GPR39: variants seen among roughly 807,000 people sequenced by gnomAD.
GPR39 encodes zinc sensing receptor.
Under a neutral mutation model 18.4 loss-of-function variants are expected in GPR39, and 23 were observed. The observed-to-expected ratio is 1.25, with a 90% CI of 0.90 to 1.77. GPR39 has a LOEUF of 1.77. Ranked by LOEUF, GPR39 falls within the 40% of genes most tolerant of loss-of-function variation. The probability of loss-of-function intolerance (pLI) is 0.00; values close to 1 mark genes in which losing one functional copy is unlikely to be tolerated. For missense variants in GPR39, 647 were observed against 602.4 expected, an observed-to-expected ratio of 1.07 and a Z score of -0.78; for synonymous variants, 280 against 257.9, an observed-to-expected ratio of 1.09 and a Z score of -0.82.
At chr2:132,496,595 C>T (rs1681646272) in intron 1 of GPR39, among the ~76,000 whole-genome samples, 1 of 152,220 alleles carries the variant, frequency 6.6e-6, no homozygotes, top group South Asian at 2.1e-4. Flanking sequence ...GCTCCACCAT[C>T]CCTTTTACCA....
intron 1 of GPR39, among the ~76,000 whole-genome samples, chr2:132,492,614 C>CTATATATACCATATATATACACACCA (rs1558814448): frequency 2.3e-4 from 18 of 77,550 alleles, no homozygotes; most frequent in African/African-American, 5.8e-4. Context: ...TACACACCAT[C>CTATATATACCATATATATACACACCA]TATATATACA....
intron 1 of GPR39, among the ~76,000 whole-genome samples, chr2:132,492,167 C>T (rs947175252): frequency 1.4e-5 from 2 of 145,732 alleles, no homozygotes; most frequent in African/African-American, 5.1e-5. Flanking sequence ...AATATATACA[C>T]ACCATATATA....
chr2:132,526,673 G>A (rs1378483005), intron 1 of GPR39, among the ~76,000 whole-genome samples: 1 of 152,160 alleles, frequency 6.6e-6, no homozygotes, highest in Non-Finnish European at 1.5e-5. Context: ...GCATACTCTG[G>A]ACTTTCTCTG....
chr2:132,585,516 A>G (rs1305778356), intron 1 of GPR39, among the ~76,000 whole-genome samples: 2 of 152,078 alleles, frequency 1.3e-5, no homozygotes, highest in Non-Finnish European at 2.9e-5. Flanking sequence ...ACATTTTCCA[A>G]ACTCTCCAAA....
In GPR39 at chr2:132,417,765, G is replaced by A; in HGVS notation, c.723G>A (p.Met241Ile). Residue 241 changes from methionine (M) to isoleucine (I), a missense_variant, in exon 1 of 2, where the codon ATG becomes ATA. Physicochemically the swap from Met to Ile is conservative, Grantham distance 10. Coordinates refer to ENST00000329321, the MANE Select transcript of GPR39 (RefSeq NM_001508.3). ...TGGTCCTGCTCTCCGTAGCCTTCATGTGCTGGAACATGATGCAGGTGCTCA... is the reference window on the plus strand; with the variant it reads ...TGGTCCTGCTCTCCGTAGCCTTCATATGCTGGAACATGATGCAGGTGCTCA... ...YLVVLLSVAF[M>I]CWNMMQVLMK... 6.2e-7 allele frequency: 1 copy of A among 1,614,206 alleles called. No homozygotes were observed. Among genetic ancestry groups the A allele is most frequent in the Non-Finnish European group, 8.5e-7 (1 of 1,180,054 alleles).
intron 1 of GPR39, among the ~76,000 whole-genome samples, chr2:132,528,599 A>G (rs1346448601): frequency 2.0e-5 from 3 of 151,786 alleles, no homozygotes; most frequent in Admixed American, 6.6e-5. Flanking sequence ...ATTTCCATGC[A>G]CTGATTTTCT....
chr2:132,544,481 G>T (rs1374531944), intron 1 of GPR39, among the ~76,000 whole-genome samples: 2 of 152,172 alleles, frequency 1.3e-5, no homozygotes, highest in Admixed American at 1.3e-4. Flanking sequence ...CTTGATGCAG[G>T]ATTTTTCTCA....
intron 1 of GPR39, among the ~76,000 whole-genome samples, chr2:132,549,559 C>T (rs550311049): frequency 2.1e-4 from 32 of 152,204 alleles, no homozygotes; most frequent in African/African-American, 5.3e-4. Context: ...GAGACAGAGG[C>T]GGGTGTATCA....
chr2:132,588,977 A>T (rs1018082957), intron 1 of GPR39, among the ~76,000 whole-genome samples: 1 of 149,244 alleles, frequency 6.7e-6, no homozygotes, highest in African/African-American at 2.5e-5. Context: ...TCTTGCTCTG[A>T]TCTCCCCTTA....
intron 1 of GPR39, among the ~76,000 whole-genome samples, chr2:132,558,044 T>C (rs1479148702): frequency 6.6e-6 from 1 of 152,144 alleles, no homozygotes; most frequent in Non-Finnish European, 1.5e-5. Context: ...GAAAGCCTTT[T>C]AGGGCTTCTT....
chr2:132,580,139 T>G (rs953773301), intron 1 of GPR39, among the ~76,000 whole-genome samples: 3 of 152,236 alleles, frequency 2.0e-5, no homozygotes, highest in African/African-American at 7.2e-5. Flanking sequence ...TGTGTAACTT[T>G]AGGATGGTAT....
At chr2:132,500,255 C>T (rs2104802657) in intron 1 of GPR39, among the ~76,000 whole-genome samples, 1 of 152,184 alleles carries the variant, frequency 6.6e-6, no homozygotes, top group Non-Finnish European at 1.5e-5. Flanking sequence ...AAGGTATGTC[C>T]CTTCTATGCC....
At position 132,645,720 on chromosome 2, in the gene GPR39, G is replaced by A. The variant is rs1682032213; in HGVS notation, c.*114G>A. On this transcript the variant is annotated 3_prime_UTR_variant, in exon 2 of 2. Transcript: ENST00000329321. ...ATCAGGGATGGAATGGACACTGGAGGCTTTACAAAAGGCAGATGCCCACCT... is the reference window on the plus strand; with the variant it reads ...ATCAGGGATGGAATGGACACTGGAGACTTTACAAAAGGCAGATGCCCACCT... The A allele has an allele frequency of 8.5e-6, 12 of 1,419,858 alleles. No homozygotes were observed. The highest frequency in any genetic ancestry group is 9.4e-6 in the Non-Finnish European group (10 of 1,061,128). 88.0% of individuals were successfully genotyped at this position (1,419,858 alleles called of 1,614,324 possible). A position where few individuals can be genotyped will look rare whatever the true frequency, so the allele number is the denominator to read the frequency against.
intron 1 of GPR39, among the ~76,000 whole-genome samples, chr2:132,585,909 A>G (rs1680717219): frequency 6.8e-6 from 1 of 146,468 alleles, no homozygotes; most frequent in African/African-American, 2.6e-5. Flanking sequence ...CAAAGAGAGA[A>G]ATCAACACCC....
intron 1 of GPR39, among the ~76,000 whole-genome samples, chr2:132,483,502 ACT>A (rs1318563561): frequency 2.0e-5 from 3 of 151,686 alleles, no homozygotes; most frequent in Non-Finnish European, 2.9e-5. Context: ...AAAGACAAAG[ACT>A]CTCTCTATCA....
intron 1 of GPR39, among the ~76,000 whole-genome samples, chr2:132,498,506 G>C (rs1184129109): frequency 6.6e-6 from 1 of 151,890 alleles, no homozygotes; most frequent in Non-Finnish European, 1.5e-5. Flanking sequence ...CCATTTTTTT[G>C]CAATTGTGAA....
At chr2:132,607,148 G>T (rs1158317958) in intron 1 of GPR39, among the ~76,000 whole-genome samples, 1 of 152,090 alleles carries the variant, frequency 6.6e-6, no homozygotes, top group Non-Finnish European at 1.5e-5. Context: ...AGGTAATTTG[G>T]GTGTCATTTG....
chr2:132,468,888 A>T (rs1478547783), intron 1 of GPR39, among the ~76,000 whole-genome samples: 1 of 152,184 alleles, frequency 6.6e-6, no homozygotes, highest in Non-Finnish European at 1.5e-5. Context: ...GGTGAGATAC[A>T]TTGTCACGTA....
chr2:132,589,078 G>A (rs1365470553), intron 1 of GPR39, among the ~76,000 whole-genome samples: 2 of 152,140 alleles, frequency 1.3e-5, no homozygotes, highest in Non-Finnish European at 2.9e-5. Context: ...TAACTATTTG[G>A]GGTTGTGTAA....
Sources: gnomAD v4.1 joint callset for allele counts (sites outside exome capture counted in the v4.1 genomes callset) on GRCh38, gnomAD v4.1.1 for gene constraint, MANE v1.5 for transcripts, NCBI Gene and HGNC (gene_info 2026-07-23, HGNC 2026-07-21) for gene names.